Variants in FGF14 observed in about 807,000 individuals in gnomAD.
FGF14 encodes fibroblast growth factor homologous factor 4.
Under a neutral mutation model 25.5 loss-of-function variants are expected in FGF14, and 5 were observed. The ratio of observed to expected loss-of-function variants is 0.20; its 90% CI spans 0.10 to 0.41. The LOEUF is 0.41. Ranked by LOEUF, FGF14 falls within the 10% of genes least tolerant of loss-of-function variation. The pLI, the probability that FGF14 is intolerant of heterozygous loss-of-function variation, is 1.00. For synonymous variants in FGF14, 138 were observed against 118.3 expected, an observed-to-expected ratio of 1.17 and a Z score of -1.08; for missense variants, 222 against 320.1, an observed-to-expected ratio of 0.69 and a Z score of 2.34.
At chr13:102,231,499 T>C (rs1004939218) in intron 1 of FGF14, among the ~76,000 whole-genome samples, 1 of 152,166 alleles carries the variant, frequency 6.6e-6, no homozygotes, top group Non-Finnish European at 1.5e-5. Context: ...GCTTCATCGA[T>C]AGAATTAAAG....
intron 3 of FGF14, among the ~76,000 whole-genome samples, chr13:101,758,075 A>G (rs2037775971): frequency 6.6e-6 from 1 of 152,206 alleles, no homozygotes; most frequent in Admixed American, 6.5e-5. Flanking sequence ...AAGTTAAACA[A>G]TTAGAAAATA....
Position 102,004,103 on chromosome 13 carries a change from T to A in FGF14, c.209-128807A>T, listed in dbSNP as rs1277772324. 3.3e-5 allele frequency among the ~76,000 whole-genome samples: 5 copies of A among 152,274 alleles called. No individual in the cohort carries two copies. The South Asian group carries it at 1.0e-3, about 32-fold the overall frequency. On this transcript the variant is annotated intron_variant, in intron 1 of 4. Transcript: ENST00000376131. Reference sequence around the variant, plus strand: ...GGAGCTTGTATCCCATGCTTCTGCATTGACTAGCATTATTCAATCAAAATA... The same window carrying A: ...GGAGCTTGTATCCCATGCTTCTGCAATGACTAGCATTATTCAATCAAAATA...
intron 1 of FGF14, among the ~76,000 whole-genome samples, chr13:102,218,720 C>T (rs969031422): frequency 5.3e-5 from 8 of 152,022 alleles, no homozygotes; most frequent in African/African-American, 1.7e-4. Flanking sequence ...ATGTCACCAC[C>T]TTGGGGTGTT....
chr13:102,008,651 G>GTTT (rs113088632), intron 1 of FGF14, among the ~76,000 whole-genome samples: 8 of 151,060 alleles, frequency 5.3e-5, no homozygotes, highest in African/African-American at 1.9e-4. Context: ...CTTTCCACGT[G>GTTT]TTTTTTTTTA....
chr13:101,718,420 A>G lies in FGF14; in HGVS notation c.*4411T>C, dbSNP rs1266601405. 1 of 152,152 alleles carries G rather than the reference A, an allele frequency of 6.6e-6. No homozygotes were observed. The highest frequency in any genetic ancestry group is 6.6e-5 in the Admixed American group (1 of 15,262). 9.4% of individuals were successfully genotyped at this position (152,152 alleles called of 1,614,324 possible). On this transcript the variant is annotated 3_prime_UTR_variant, in exon 5 of 5. Coordinates refer to ENST00000376143, the MANE Select transcript of FGF14 (RefSeq NM_004115.4). The stretch of plus-strand genomic sequence containing the variant: ...TCTAAAAAACAAGCAGGGCAAGAAC[A>G]AACTTACTTGTAATGGGTGAGAGAA...
intron 1 of FGF14, among the ~76,000 whole-genome samples, chr13:101,952,362 T>C (rs1049278627): frequency 6.6e-6 from 1 of 152,176 alleles, no homozygotes; most frequent in Non-Finnish European, 1.5e-5. Flanking sequence ...CTAGATCCTG[T>C]TTTTCTTTTA....
intron 1 of FGF14, among the ~76,000 whole-genome samples, chr13:102,189,706 A>T (rs1011039451): frequency 6.6e-6 from 1 of 152,156 alleles, no homozygotes; most frequent in African/African-American, 2.4e-5. Context: ...GTAATGTATA[A>T]CCAAGAGTTT....
chr13:101,864,763 C>T (rs1456676752), intron 3 of FGF14, among the ~76,000 whole-genome samples: 1 of 152,090 alleles, frequency 6.6e-6, no homozygotes, highest in Non-Finnish European at 1.5e-5. Flanking sequence ...GCACCTAGAA[C>T]ATGGAAGCAC....
chr13:101,753,862 C>G (rs920507650), intron 3 of FGF14, among the ~76,000 whole-genome samples: 1 of 151,706 alleles, frequency 6.6e-6, no homozygotes, highest in African/African-American at 2.4e-5. Context: ...TTCTGGTACT[C>G]GTTATTGAGT....
intron 1 of FGF14, among the ~76,000 whole-genome samples, chr13:102,096,001 G>GTGTATA (rs143224591): frequency 0.37 from 49,324 of 134,576 alleles, 10,411 homozygotes; most frequent in Non-Finnish European, 0.48. Flanking sequence ...GTGTGTGTGT[G>GTGTATA]TATATATATA....
intron 3 of FGF14, among the ~76,000 whole-genome samples, chr13:101,843,949 A>G: frequency 6.6e-6 from 1 of 152,084 alleles, no homozygotes; most frequent in East Asian, 1.9e-4. Context: ...TGAGAAAGAA[A>G]GAACCCTAAT....
In FGF14 at chr13:102,234,213, A is replaced by AAC. The variant is rs1566845477; in HGVS notation, c.208+167257_208+167258insGT. On this transcript the variant is annotated intron_variant, in intron 1 of 4. Transcript: ENST00000376131. Reference sequence around the variant, plus strand: ...ATGTGAAGGTACTTAATACCATGGAAATATACGCTTAAATGTGAAGGTACT... The same window carrying AAC: ...ATGTGAAGGTACTTAATACCATGGAAACATATACGCTTAAATGTGAAGGTACT... Among the ~76,000 whole-genome samples the AAC allele has an allele frequency of 8.3e-3, 1,255 of 150,846 alleles. 48 individuals are homozygous for AAC. Among genetic ancestry groups the AAC allele is most frequent in the African/African-American group, 0.029 (1,192 of 40,584 alleles).
At chr13:101,799,139 G>A (rs1176582813) in intron 3 of FGF14, among the ~76,000 whole-genome samples, 1 of 152,072 alleles carries the variant, frequency 6.6e-6, no homozygotes, top group Non-Finnish European at 1.5e-5. Flanking sequence ...ATCTACTCAA[G>A]TCTCAGCATA....
intron 1 of FGF14, among the ~76,000 whole-genome samples, chr13:102,143,570 C>T (rs907882026): frequency 2.6e-5 from 4 of 152,066 alleles, no homozygotes; most frequent in Non-Finnish European, 4.4e-5. Flanking sequence ...TCGTCTTGTG[C>T]ATTAATAGTC....
chr13:101,861,188 T>G lies in FGF14; in HGVS notation c.408+7537A>C, dbSNP rs8002842. On this transcript the variant is annotated intron_variant, in intron 3 of 4. Coordinates refer to ENST00000376143, the MANE Select transcript of FGF14 (RefSeq NM_004115.4). Reference sequence around the variant, plus strand: ...CATCTGTCACAGAATTGATTCTATCTGCACAGCTTTCCCAAGACAGCCCTG... The same window carrying G: ...CATCTGTCACAGAATTGATTCTATCGGCACAGCTTTCCCAAGACAGCCCTG... 5.2e-3 allele frequency among the ~76,000 whole-genome samples: 789 copies of G among 152,246 alleles called. 10 individuals are homozygous for G. The highest frequency in any genetic ancestry group is 0.018 in the African/African-American group (752 of 41,562).
intron 3 of FGF14, among the ~76,000 whole-genome samples, chr13:101,808,700 T>C (rs985057539): frequency 1.3e-5 from 2 of 152,094 alleles, no homozygotes; most frequent in African/African-American, 4.8e-5. Context: ...GAGATAGGAG[T>C]CCCAGAAGAT....
chr13:102,050,267 T>C (rs1329839239), intron 1 of FGF14, among the ~76,000 whole-genome samples: 2 of 152,154 alleles, frequency 1.3e-5, no homozygotes, highest in Admixed American at 6.5e-5. Flanking sequence ...AATAAACTCA[T>C]AAAACTAAAA....
intron 1 of FGF14, among the ~76,000 whole-genome samples, chr13:101,904,181 G>C (rs1259709936): frequency 6.6e-6 from 1 of 152,214 alleles, no homozygotes; most frequent in Non-Finnish European, 1.5e-5. Flanking sequence ...TTTCCAGCCA[G>C]TTTGTGGGAG....
chr13:101,867,920 A>ACG (rs1566345209), intron 3 of FGF14, among the ~76,000 whole-genome samples: 1 of 150,350 alleles, frequency 6.7e-6, no homozygotes, highest in Admixed American at 6.7e-5. Context: ...ACACACACAC[A>ACG]CACACACACA....
Sources: gnomAD v4.1 joint callset for allele counts (sites outside exome capture counted in the v4.1 genomes callset) on GRCh38, gnomAD v4.1.1 for gene constraint, MANE v1.5 for transcripts, NCBI Gene and HGNC (gene_info 2026-07-23, HGNC 2026-07-21) for gene names.